The following PIP5KL1 variants were observed in gnomAD, a reference collection of about 807,000 sequenced individuals.
PIP5KL1 encodes the protein phosphatidylinositol 4-phosphate 5-kinase-like protein 1.
A neutral mutation model predicts 47.6 loss-of-function variants in PIP5KL1; 45 were observed. The observed-to-expected ratio is 0.94, with a 90% CI of 0.74 to 1.21. The LOEUF is 1.21. Among genes scored for constraint, PIP5KL1 ranks in the 50% most tolerant of loss-of-function variants. The pLI, the probability that PIP5KL1 is intolerant of heterozygous loss-of-function variation, is 0.00. For synonymous variants in PIP5KL1, 256 were observed against 234.6 expected, an observed-to-expected ratio of 1.09 and a Z score of -0.84; for missense variants, 577 against 547.6, an observed-to-expected ratio of 1.05 and a Z score of -0.54.
chr9:127,930,743 G>T lies in PIP5KL1; in HGVS notation c.10C>A (p.Pro4Thr). ...CCTACCTCGCGGGGCCCCGGGCTCG[G>T]CGCAGCCATCGCCCCCGCAGCAGCT... The part of the protein sequence containing the change: MAA[P>T]SPGPREVLAP... The change falls in exon 1 of 10, where the codon CCG becomes ACG. Residue 4 changes from proline to threonine, a missense_variant. Physicochemically the swap from Pro to Thr is conservative, Grantham distance 38 (BLOSUM62 -1). Transcript: ENST00000388747. The T allele has an allele frequency of 1.3e-6, 2 of 1,560,630 alleles. No individual in the cohort carries two copies. Among genetic ancestry groups the T allele is most frequent in the Non-Finnish European group, 8.6e-7 (1 of 1,157,548 alleles).
chr9:127,922,365 C>T (rs1281982744), intron 9 of PIP5KL1, among the ~76,000 whole-genome samples: 1 of 152,140 alleles, frequency 6.6e-6, no homozygotes, highest in Non-Finnish European at 1.5e-5. Flanking sequence ...ATGTGCTATA[C>T]GTGTACAATA....
chr9:127,925,782 A>C, intron 8 of PIP5KL1, 85 bp downstream of exon 8: 4 of 1,202,764 alleles, frequency 3.3e-6, no homozygotes, highest in Non-Finnish European at 4.9e-6. Flanking sequence ...GCTCTTAATA[A>C]CTCAGGCAGA....
chr9:127,930,627 T>G, intron 1 of PIP5KL1, 96 bp downstream of exon 1: 1 of 1,384,206 alleles, frequency 7.2e-7, no homozygotes, highest in Non-Finnish European at 9.5e-7. Flanking sequence ...CCTCCCAGGC[T>G]TGGATGGGGG....
intron 7 of PIP5KL1, among the ~76,000 whole-genome samples, chr9:127,926,668 T>C (rs1564137840): frequency 6.6e-6 from 1 of 152,264 alleles, no homozygotes; most frequent in East Asian, 1.9e-4. Flanking sequence ...TGCCTGTGCC[T>C]GCCTCTGGAC....
At chr9:127,930,028 G>T in intron 1 of PIP5KL1, 143 bp from the exon 2 acceptor site, 1 of 856,710 alleles carries the variant, frequency 1.2e-6, no homozygotes, top group Non-Finnish European at 1.7e-6. Context: ...TAGAGATGAT[G>T]CTGGTACCCA....
rs748990664 is a variant in PIP5KL1, at chr9:127,927,374, CA to C, written c.560-44del. The C allele has an allele frequency of 2.3e-5, 37 of 1,580,638 alleles. 1 individual carries two copies. The African/African-American group carries it at 2.6e-4, about 11-fold the overall frequency. On this transcript the variant is annotated intron_variant, in intron 5 of 9. Transcript: ENST00000388747. This position sits in a 1 kb window ranked among gnomAD's most constrained non-coding sequence, Gnocchi z 5.5. ...GCCGGATGAGGATCCCCAAACTCCA[CA>C]ACCCGGGGTGCATCCGGCGCCAATC... is the stretch of plus-strand genomic sequence containing the variant.
At chr9:127,924,884 ACACGCACACATGCACACCCACACACATG>A in intron 9 of PIP5KL1, among the ~76,000 whole-genome samples, 195 bp downstream of exon 9, 1 of 151,746 alleles carries the variant, frequency 6.6e-6, no homozygotes, top group South Asian at 2.1e-4. Context: ...ACACACACAC[ACACGCACACATGCACACCCACACACATG>A]CACGCACACA....
intron 8 of PIP5KL1, chr9:127,925,555 G>T: frequency 4.3e-6 from 2 of 467,580 alleles, no homozygotes; most frequent in South Asian, 2.1e-5. Flanking sequence ...AACCTCTGCC[G>T]CCTGGGTTCA....
At chr9:127,926,031 A>G (rs1203360848) in intron 7 of PIP5KL1, 52 bp from the exon 8 acceptor site, 2 of 1,355,426 alleles carry the variant, frequency 1.5e-6, no homozygotes, top group Middle Eastern at 3.6e-4. Context: ...CACAGAGAGA[A>G]TCTCACAAGA....
At chr9:127,924,261 G>A (rs994216785) in intron 9 of PIP5KL1, among the ~76,000 whole-genome samples, 6 of 151,954 alleles carry the variant, frequency 3.9e-5, no homozygotes, top group East Asian at 1.9e-4. Context: ...AGGCCGAGGC[G>A]GGTGGATCAC....
chr9:127,921,889 G>A lies in PIP5KL1; in HGVS notation c.1143C>T (p.Tyr381=). The change falls in exon 10 of 10, where the codon TAC becomes TAT. Residue 381 remains tyrosine, a synonymous_variant. Coordinates refer to ENST00000388747, the MANE Select transcript of PIP5KL1 (RefSeq NM_001135219.2). The stretch of plus-strand genomic sequence containing the variant: ...CCACCCACTGGCAGAGGCGACGGGC[G>A]TAGCGAGCCGGGCTGACAGTGGAGA... The part of the protein sequence containing the change: ...RTFSTVSPAR[Y]ARRLCQWVEA... The A allele has an allele frequency of 6.4e-7, 1 of 1,573,346 alleles. No individual in the cohort carries two copies. The highest frequency in any genetic ancestry group is 2.3e-5 in the East Asian group (1 of 42,812).
chr9:127,923,279 C>T (rs1588682858), intron 9 of PIP5KL1, among the ~76,000 whole-genome samples: 2 of 152,100 alleles, frequency 1.3e-5, no homozygotes, highest in Admixed American at 6.6e-5. Flanking sequence ...AAGCCCTGCC[C>T]GGCGCTGGCC....
At chr9:127,922,788 T>C (rs1831307567) in intron 9 of PIP5KL1, among the ~76,000 whole-genome samples, 1 of 151,954 alleles carries the variant, frequency 6.6e-6, no homozygotes, top group African/African-American at 2.4e-5. Context: ...CATTTTTACG[T>C]TGATTCAATG....
intron 9 of PIP5KL1, among the ~76,000 whole-genome samples, chr9:127,923,651 C>T (rs1283381854): frequency 6.6e-6 from 1 of 152,252 alleles, no homozygotes; most frequent in Non-Finnish European, 1.5e-5. Context: ...CTACCCAAGT[C>T]TCACCCATAC....
intron 9 of PIP5KL1, among the ~76,000 whole-genome samples, chr9:127,923,794 G>C (rs1424829513): frequency 6.6e-6 from 1 of 152,176 alleles, no homozygotes; most frequent in Admixed American, 6.5e-5. Context: ...AATTCTGTTC[G>C]ACCACAGGGG....
Position 127,927,006 on chromosome 9 carries a change from G to A in PIP5KL1, c.650+147C>T. The A allele has an allele frequency of 1.1e-6, 1 of 922,118 alleles. No homozygotes were observed. Among genetic ancestry groups the A allele is most frequent in the Non-Finnish European group, 1.6e-6 (1 of 621,648 alleles). The allele number at this position is 922,118 out of a possible 1,614,324, so 57.1% of individuals were successfully genotyped here. On this transcript the variant is annotated intron_variant, in intron 7 of 9. Transcript: ENST00000388747. This position sits in a 1 kb window ranked among gnomAD's most constrained non-coding sequence, Gnocchi z 5.5. ...TGAGTGCTCCAGAGATGCTGGGTGT[G>A]GGCGTCACTGTCTCTGACCCACCAG... is the stretch of plus-strand genomic sequence containing the variant.
chr9:127,928,401 G>T (rs1336084386), intron 3 of PIP5KL1, 32 bp downstream of exon 3: 1 of 1,583,788 alleles, frequency 6.3e-7, no homozygotes, highest in East Asian at 2.3e-5. Context: ...ACCAGCACAC[G>T]TCCCTCCCAC....
intron 3 of PIP5KL1, 101 bp downstream of exon 3, chr9:127,928,332 T>G: frequency 6.5e-7 from 1 of 1,540,864 alleles, no homozygotes; most frequent in Admixed American, 2.0e-5. Context: ...GGCTCAAGTC[T>G]CAGGGACAAG....
rs1300076092 is a variant in PIP5KL1, at chr9:127,925,138, G to A, written c.886C>T (p.Pro296Ser). 2 of 1,614,146 alleles carry A rather than the reference G, an allele frequency of 1.2e-6. No individual in the cohort carries two copies. The highest frequency in any genetic ancestry group is 1.7e-6 in the Non-Finnish European group (2 of 1,180,040). Residue 296 changes from proline (P) to serine (S), a missense_variant, in exon 9 of 10, where the codon CCG (proline) becomes TCG (serine). Pro to Ser is a moderately conservative substitution (Grantham distance 74). Coordinates refer to ENST00000388747, the MANE Select transcript of PIP5KL1 (RefSeq NM_001135219.2). ...GTGCGGAAGATGAGGCTGCTGCCCG[G>A]GCCCCTCTCATCCTCGTGGAGACGT... ...FQRLHEDERG[P>S]GSSLIFRTAR...
Sources: allele counts gnomAD v4.1 joint callset (sites outside exome capture counted in the v4.1 genomes callset), GRCh38; gene constraint gnomAD v4.1.1; non-coding constraint Gnocchi (gnomAD v3.1); transcripts MANE v1.5; gene names NCBI Gene and HGNC (gene_info 2026-07-23, HGNC 2026-07-21).